The following ATP6V1B2 variants were observed in gnomAD, a reference collection of about 807,000 sequenced individuals.
ATP6V1B2 encodes ATPase H+ transporting V1 subunit B2, also known as V-type proton ATPase subunit B, brain isoform.
A neutral mutation model predicts 66.7 loss-of-function variants in ATP6V1B2; 23 were observed. The ratio of observed to expected loss-of-function variants is 0.34; its 90% CI spans 0.25 to 0.49. ATP6V1B2 has a LOEUF of 0.49. Among genes scored for constraint, ATP6V1B2 ranks in the 20% least tolerant of loss-of-function variants. ATP6V1B2 has a pLI of 0.99. For synonymous variants in ATP6V1B2, 278 were observed against 236.7 expected, an observed-to-expected ratio of 1.17 and a Z score of -1.60; for missense variants, 478 against 650.8, an observed-to-expected ratio of 0.73 and a Z score of 2.89.
intron 7 of ATP6V1B2, 49 bp from the exon 8 acceptor site, chr8:20,212,053 T>A (rs2128885906): frequency 1.3e-6 from 2 of 1,508,854 alleles, no homozygotes; most frequent in East Asian, 4.6e-5. Context: ...CAGAAATAAA[T>A]GTTAAGGATT....
rs1161842724 is a variant in ATP6V1B2 at position 20,212,536 on chromosome 8, C to CT, written c.804-245dup. On this transcript the variant is annotated intron_variant, in intron 8 of 13. Coordinates refer to ENST00000276390, the MANE Select transcript of ATP6V1B2 (RefSeq NM_001693.4). ...TCTGGCTTTCATTTGTTTCCTCTCT[C>CT]TCTCCTTCCTACCTGCCTGCCCCAC... Among the ~76,000 whole-genome samples the CT allele has an allele frequency of 3.9e-5, 6 of 152,300 alleles. No individual in the cohort carries two copies. The South Asian group carries it at 1.2e-3, about 32-fold the overall frequency.
chr8:20,212,407 C>T (rs900628093), intron 8 of ATP6V1B2, among the ~76,000 whole-genome samples: 1 of 152,192 alleles, frequency 6.6e-6, no homozygotes, highest in East Asian at 1.9e-4. Flanking sequence ...ACAGCTGATA[C>T]TTGTCTCATG....
chr8:20,210,469 G>T (rs1292797327), intron 4 of ATP6V1B2, 30 bp downstream of exon 4: 1 of 1,608,572 alleles, frequency 6.2e-7, no homozygotes, highest in Non-Finnish European at 8.5e-7. Flanking sequence ...TCTAAGCCGA[G>T]ATCTGTTTCC....
At chr8:20,197,922 G>C (rs2072645255) in intron 1 of ATP6V1B2, among the ~76,000 whole-genome samples, 1 of 152,170 alleles carries the variant, frequency 6.6e-6, no homozygotes, top group Admixed American at 6.5e-5. Flanking sequence ...AGGGGTCGAG[G>C]GAACGCCCCT....
At chr8:20,216,342 T>C in intron 10 of ATP6V1B2, 71 bp from the exon 11 acceptor site, 1 of 1,420,292 alleles carries the variant, frequency 7.0e-7, no homozygotes, top group Non-Finnish European at 9.9e-7. Context: ...GGTTTGGTTC[T>C]GAGAGATGGC....
rs745844950 is a variant in ATP6V1B2 at position 20,217,367 on chromosome 8, C to T, written c.1266+43C>T. ...AGAATGGTGTTTGAAAATATGGATA[C>T]GTTTCTGCTGTCTTACACCTCTTGT... is the stretch of plus-strand genomic sequence containing the variant. On this transcript the variant is annotated intron_variant, in intron 12 of 13. Coordinates refer to ENST00000276390, the MANE Select transcript of ATP6V1B2 (RefSeq NM_001693.4). The T allele has an allele frequency of 1.9e-5, 29 of 1,515,246 alleles. No individual in the cohort carries two copies. The East Asian group carries it at 2.0e-4, about 11-fold the overall frequency. 93.9% of individuals were successfully genotyped at this position (1,515,246 alleles called of 1,614,324 possible). A position where few individuals can be genotyped will look rare whatever the true frequency, so the allele number is the denominator to read the frequency against.
At chr8:20,216,987 G>C in intron 11 of ATP6V1B2, 1 of 512,238 alleles carries the variant, frequency 2.0e-6, no homozygotes, top group Non-Finnish European at 3.5e-6. Flanking sequence ...GTCTTGTACA[G>C]TGTTATAGAT....
intron 2 of ATP6V1B2, among the ~76,000 whole-genome samples, chr8:20,205,169 TAGGA>T (rs937493877): frequency 6.6e-6 from 1 of 152,226 alleles, no homozygotes; most frequent in African/African-American, 2.4e-5. Context: ...GGGAAAATAT[TAGGA>T]AGCTTTGTTT....
intron 7 of ATP6V1B2, 86 bp downstream of exon 7, chr8:20,211,839 A>G: frequency 8.8e-7 from 1 of 1,130,602 alleles, no homozygotes; most frequent in Non-Finnish European, 1.3e-6. Flanking sequence ...TATATAGTTG[A>G]ATTTTTCTTT....
chr8:20,215,177 T>C (rs2072841078), intron 10 of ATP6V1B2: 4 of 542,934 alleles, frequency 7.4e-6, no homozygotes, highest in Non-Finnish European at 1.2e-5. Context: ...TAATTTAAGT[T>C]TTTAACTTTA....
intron 1 of ATP6V1B2, among the ~76,000 whole-genome samples, chr8:20,199,025 A>G (rs1057049387): frequency 4.6e-5 from 7 of 152,204 alleles, no homozygotes; most frequent in African/African-American, 1.7e-4. Context: ...GGTGCCTCTC[A>G]AAAAAGGTTA....
chr8:20,211,826 A>G (rs1235235239), intron 7 of ATP6V1B2, 73 bp downstream of exon 7: 1 of 1,205,172 alleles, frequency 8.3e-7, no homozygotes, highest in East Asian at 2.4e-5. Context: ...AGTAAGCTGT[A>G]CATATATAGT....
chr8:20,221,051 C>A lies in ATP6V1B2; in HGVS notation c.*649C>A, dbSNP rs2072901921. On this transcript the variant is annotated 3_prime_UTR_variant, in exon 14 of 14. Coordinates refer to ENST00000276390, the MANE Select transcript of ATP6V1B2 (RefSeq NM_001693.4). Reference sequence around the variant, plus strand: ...CCAAATAATACACAGAATCCTGCAACTTTTTGCACAGCTGGTATCTGTCTG... The same window carrying A: ...CCAAATAATACACAGAATCCTGCAAATTTTTGCACAGCTGGTATCTGTCTG... 1 of 152,132 alleles carries A rather than the reference C, an allele frequency of 6.6e-6. No homozygotes were observed. The highest frequency in any genetic ancestry group is 2.1e-4 in the South Asian group (1 of 4,838). 9.4% of individuals were successfully genotyped at this position (152,132 alleles called of 1,614,324 possible).
At position 20,204,388 on chromosome 8, in the gene ATP6V1B2, CATG is replaced by C. The variant is rs1373300799; in HGVS notation, c.137-93_137-91del. 6 of 1,049,036 alleles carry C rather than the reference CATG, an allele frequency of 5.7e-6. No homozygotes were observed. The African/African-American group carries it at 9.5e-5, about 17-fold the overall frequency. The allele number at this position is 1,049,036 out of a possible 1,614,324, so 65.0% of individuals were successfully genotyped here. ...TTTGAGTGTACCGTATTCTAATAGA[CATG>C]ATAACGTAGAAAGGATTTTTGGTAA... On this transcript the variant is annotated intron_variant, in intron 1 of 13. Coordinates refer to ENST00000276390, the MANE Select transcript of ATP6V1B2 (RefSeq NM_001693.4).
At position 20,214,781 on chromosome 8, in the gene ATP6V1B2, A is replaced by G. The variant is rs765457516; in HGVS notation, c.928-37A>G. The G allele has an allele frequency of 3.8e-6, 6 of 1,567,396 alleles. No individual in the cohort carries two copies. The East Asian group carries it at 9.1e-5, about 24-fold the overall frequency. ...ATGTTGTAAGCAAGCTTGTTGTAAT[A>G]TCGTGCATGATACTCTTCTGCTTGA... On this transcript the variant is annotated intron_variant, in intron 9 of 13. Transcript: ENST00000276390.
intron 3 of ATP6V1B2, 63 bp from the exon 4 acceptor site, chr8:20,210,282 TA>T: frequency 7.2e-7 from 1 of 1,396,152 alleles, no homozygotes; most frequent in Non-Finnish European, 1.0e-6. Context: ...AACAGACAAA[TA>T]AAATGTAAAT....
rs1335724742 is a variant in ATP6V1B2 at position 20,214,880 on chromosome 8, T to C, written c.990T>C (p.Asp330=). ...GTTTTCCAGGTTACATGTATACAGATTTAGCCACGATATATGAACGCGCTG... is the reference window on the plus strand; with the variant it reads ...GTTTTCCAGGTTACATGTATACAGACTTAGCCACGATATATGAACGCGCTG... ...RRGFPGYMYT[D]LATIYERAGR... The change falls in exon 10 of 14, where the codon GAT becomes GAC. Residue 330 remains aspartate, a synonymous_variant. Coordinates refer to ENST00000276390, the MANE Select transcript of ATP6V1B2 (RefSeq NM_001693.4). 6.2e-7 allele frequency: 1 copy of C among 1,613,542 alleles called. No individual in the cohort carries two copies. The highest frequency in any genetic ancestry group is 2.2e-5 in the East Asian group (1 of 44,842).
chr8:20,211,951 C>A (rs1233114753), intron 7 of ATP6V1B2, 151 bp from the exon 8 acceptor site: 2 of 822,792 alleles, frequency 2.4e-6, no homozygotes, highest in Non-Finnish European at 1.9e-6. Flanking sequence ...TGCCCCAAAC[C>A]GGCTCTTTGT....
chr8:20,211,812 T>C, intron 7 of ATP6V1B2, 59 bp downstream of exon 7: 1 of 1,345,596 alleles, frequency 7.4e-7, no homozygotes, highest in Non-Finnish European at 1.0e-6. Flanking sequence ...CGTGAGAACA[T>C]TGTAGTAAGC....
Sources: allele counts gnomAD v4.1 joint callset (sites outside exome capture counted in the v4.1 genomes callset), GRCh38; gene constraint gnomAD v4.1.1; transcripts MANE v1.5; gene names NCBI Gene and HGNC (gene_info 2026-07-23, HGNC 2026-07-21).